Variants in ZFHX3 observed in about 807,000 individuals in gnomAD.
ZFHX3 encodes zinc finger homeobox protein 3.
ZFHX3 carries 42 observed loss-of-function variants against 279.1 expected under a neutral mutation model. The observed-to-expected ratio is 0.15, with a 90% confidence interval of 0.12 to 0.19. The LOEUF (loss-of-function observed/expected upper bound fraction) is 0.19, where lower values mean the gene tolerates loss of function less well. Among genes scored for constraint, ZFHX3 ranks in the 10% least tolerant of loss-of-function variants. The probability of loss-of-function intolerance (pLI) is 1.00; values close to 1 mark genes in which losing one functional copy is unlikely to be tolerated. For missense variants in ZFHX3, 4,981 were observed against 4,754.0 expected (o/e 1.05, Z -1.40); for synonymous variants, 2,293 against 1,957.8 (o/e 1.17, Z -4.52).
At chr16:73,312,975 T>G (rs1216233350) in intron 4 of ZFHX3, among the ~76,000 whole-genome samples, 2 of 152,248 alleles carry the variant, frequency 1.3e-5, no homozygotes, top group African/African-American at 4.8e-5. Flanking sequence ...TGATATGGTT[T>G]GGCTCTGTGT....
At chr16:73,236,792 T>G (rs974376287) in intron 5 of ZFHX3, among the ~76,000 whole-genome samples, 1 of 152,066 alleles carries the variant, frequency 6.6e-6, no homozygotes, top group African/African-American at 2.4e-5. Flanking sequence ...TTCTTACCCA[T>G]CCACAGCACT....
intron 2 of ZFHX3, among the ~76,000 whole-genome samples, chr16:73,533,451 C>G (rs2019842653): frequency 6.6e-6 from 1 of 150,604 alleles, no homozygotes; most frequent in Non-Finnish European, 1.5e-5. Context: ...CCCTTCCTCT[C>G]TTGCATCATC....
At chr16:73,721,900 CCAG>C (rs1206783561) in intron 1 of ZFHX3, among the ~76,000 whole-genome samples, 1 of 152,048 alleles carries the variant, frequency 6.6e-6, no homozygotes, top group Non-Finnish European at 1.5e-5. Flanking sequence ...CAAAAACTAG[CCAG>C]ATGTGATGAT....
intron 1 of ZFHX3, among the ~76,000 whole-genome samples, chr16:73,053,990 G>A (rs1260169698): frequency 6.8e-6 from 1 of 146,438 alleles, no homozygotes; most frequent in African/African-American, 2.5e-5. Flanking sequence ...AGCCCCACAA[G>A]AAAACGCATG....
intron 1 of ZFHX3, among the ~76,000 whole-genome samples, chr16:73,793,598 T>G (rs950277350): frequency 6.6e-6 from 1 of 152,254 alleles, no homozygotes; most frequent in African/African-American, 2.4e-5. Flanking sequence ...ACTGGACTAT[T>G]TGACTGTGTG....
At chr16:73,302,480 C>T (rs2015078407) in intron 4 of ZFHX3, among the ~76,000 whole-genome samples, 1 of 152,188 alleles carries the variant, frequency 6.6e-6, no homozygotes, top group South Asian at 2.1e-4. Flanking sequence ...ATCAATACTG[C>T]GGCTTCCACC....
chr16:73,495,002 C>G (rs115320024), intron 2 of ZFHX3, among the ~76,000 whole-genome samples: 17 of 152,114 alleles, frequency 1.1e-4, no homozygotes, highest in Non-Finnish European at 2.1e-4. Context: ...TTGTATCAAT[C>G]GTTTCTGCAT....
intron 4 of ZFHX3, among the ~76,000 whole-genome samples, chr16:73,282,303 A>G (rs1457316548): frequency 1.3e-5 from 2 of 152,220 alleles, no homozygotes; most frequent in Admixed American, 6.5e-5. Flanking sequence ...TTTTCTGCCT[A>G]GAAATCTAAA....
chr16:73,548,188 A>G lies in ZFHX3; in HGVS notation c.-1546-91930T>C, dbSNP rs1034961522. 3.9e-5 allele frequency among the ~76,000 whole-genome samples: 6 copies of G among 152,372 alleles called. 1 individual carries two copies. The Middle Eastern group carries it at 0.014, about 346-fold the overall frequency. On this transcript the variant is annotated intron_variant, in intron 2 of 17. Coordinates refer to the ZFHX3 transcript ENST00000641206. ...TAGCCAGAGGAAAAGATCCTAAATC[A>G]GTTTTCATGGCTAAAGTGCACACGG... is the stretch of plus-strand genomic sequence containing the variant.
intron 1 of ZFHX3, among the ~76,000 whole-genome samples, chr16:73,688,589 G>A (rs1361413001): frequency 9.9e-5 from 15 of 152,078 alleles, no homozygotes; most frequent in Non-Finnish European, 1.6e-4. Context: ...GCATCTGCTG[G>A]TGCCTGGATC....
At chr16:73,454,798 T>G (rs2018343836) in intron 3 of ZFHX3, among the ~76,000 whole-genome samples, 1 of 152,088 alleles carries the variant, frequency 6.6e-6, no homozygotes, top group South Asian at 2.1e-4. Context: ...TTACATCCTG[T>G]CCTTTCAATC....
chr16:73,745,034 AT>A (rs1449529727), intron 1 of ZFHX3, among the ~76,000 whole-genome samples: 3 of 151,994 alleles, frequency 2.0e-5, no homozygotes, highest in African/African-American at 2.4e-5. Context: ...AAACCCTTCA[AT>A]TTTTTTTGAC....
At chr16:73,640,215 C>T (rs926967563) in intron 2 of ZFHX3, among the ~76,000 whole-genome samples, 1 of 152,128 alleles carries the variant, frequency 6.6e-6, no homozygotes, top group African/African-American at 2.4e-5. Context: ...CAAGAAATTA[C>T]AGGAGGTTTC....
At chr16:73,429,325 C>A (rs1453884212) in intron 3 of ZFHX3, among the ~76,000 whole-genome samples, 4 of 151,950 alleles carry the variant, frequency 2.6e-5, no homozygotes, top group Non-Finnish European at 5.9e-5. Flanking sequence ...GAAATAAAGA[C>A]CTTCAGATAT....
At chr16:73,334,547 C>T (rs1028442877) in intron 3 of ZFHX3, among the ~76,000 whole-genome samples, 2 of 152,062 alleles carry the variant, frequency 1.3e-5, no homozygotes, top group Non-Finnish European at 2.9e-5. Context: ...TCCGCTGCAG[C>T]CCCCGAGGTT....
chr16:72,812,992 G>A (rs2036504841), intron 5 of ZFHX3, among the ~76,000 whole-genome samples: 2 of 152,166 alleles, frequency 1.3e-5, no homozygotes. Flanking sequence ...CCTTCCAGTA[G>A]AGGCAAACAC....
At chr16:73,646,731 C>A (rs910196425) in intron 2 of ZFHX3, among the ~76,000 whole-genome samples, 3 of 151,936 alleles carry the variant, frequency 2.0e-5, no homozygotes, top group African/African-American at 7.3e-5. Context: ...GAAAGATTGT[C>A]TAAGAAAATA....
intron 1 of ZFHX3, among the ~76,000 whole-genome samples, chr16:72,984,625 C>CAAAAAAA (rs60014247): frequency 7.5e-6 from 1 of 132,636 alleles, no homozygotes. Context: ...GACTCTGACT[C>CAAAAAAA]AAAAAAAAAA....
intron 3 of ZFHX3, among the ~76,000 whole-genome samples, chr16:73,338,142 A>T (rs1396910792): frequency 6.6e-6 from 1 of 152,090 alleles, no homozygotes; most frequent in Non-Finnish European, 1.5e-5. Flanking sequence ...GCTGAAGAAA[A>T]CCGCACAGCC....
Sources: allele counts gnomAD v4.1 joint callset (sites outside exome capture counted in the v4.1 genomes callset), GRCh38; gene constraint gnomAD v4.1.1; transcripts MANE v1.5; gene names NCBI Gene and HGNC (gene_info 2026-07-23, HGNC 2026-07-21).